The following MAP3K2 variants were observed in gnomAD, a reference collection of about 807,000 sequenced individuals.
MAP3K2 encodes mitogen-activated protein kinase kinase kinase 2.
A neutral mutation model predicts 80.3 loss-of-function variants in MAP3K2; 24 were observed. That is an observed-to-expected ratio of 0.30 (90% confidence interval 0.22 to 0.42). MAP3K2 has a LOEUF of 0.42. MAP3K2 is among the 10% of genes least tolerant of loss of function. MAP3K2 has a pLI of 1.00. For missense variants in MAP3K2, 608 were observed against 750.1 expected (o/e 0.81, Z 2.21); for synonymous variants, 244 against 253.7 (o/e 0.96, Z 0.36).
chr2:127,338,069 A>G (rs150652686), intron 3 of MAP3K2, among the ~76,000 whole-genome samples: 243 of 152,302 alleles, frequency 1.6e-3, no homozygotes, highest in African/African-American at 5.1e-3. Context: ...GAAATACAGA[A>G]TATTATATTT....
Position 127,358,554 on chromosome 2 carries a change from GCATATC to G in MAP3K2, c.-65-15366_-65-15361del, listed in dbSNP as rs374218164. Among the ~76,000 whole-genome samples the G allele has an allele frequency of 1.2e-3, 184 of 152,324 alleles. 2 individuals are homozygous for G. In the South Asian group the frequency reaches 0.018, roughly 15 times the overall value. ...TAAGAAAGTGAGCAGATAAAGTGTG[GCATATC>G]CATATGACGGAATATTAAGAACTAT... On this transcript the variant is annotated intron_variant, in intron 1 of 16. Transcript: ENST00000682094.
At chr2:127,352,573 C>G (rs560801208) in intron 1 of MAP3K2, among the ~76,000 whole-genome samples, 3 of 152,274 alleles carry the variant, frequency 2.0e-5, no homozygotes, top group Admixed American at 6.5e-5. Flanking sequence ...CTAGACAGAG[C>G]TAAGCTTCAA....
chr2:127,333,118 G>A (rs1180811212), intron 5 of MAP3K2, among the ~76,000 whole-genome samples: 2 of 147,190 alleles, frequency 1.4e-5, no homozygotes, highest in Non-Finnish European at 3.0e-5. Context: ...GGTGACAGCG[G>A]GAGATGCTGT....
chr2:127,320,225 T>C (rs1456054203), intron 12 of MAP3K2, among the ~76,000 whole-genome samples: 2 of 152,116 alleles, frequency 1.3e-5, no homozygotes, highest in Non-Finnish European at 2.9e-5. Context: ...ATGACTAACA[T>C]GTTAAAGGTT....
chr2:127,342,597 A>G (rs2104848968), intron 2 of MAP3K2, among the ~76,000 whole-genome samples: 1 of 152,254 alleles, frequency 6.6e-6, no homozygotes, highest in South Asian at 2.1e-4. Context: ...ATTTCCTTCT[A>G]GTGTCTTCCT....
chr2:127,368,678 T>C (rs1687012930), intron 1 of MAP3K2, among the ~76,000 whole-genome samples: 4 of 152,134 alleles, frequency 2.6e-5, no homozygotes, highest in South Asian at 2.1e-4. Flanking sequence ...ATATAAACTA[T>C]GCATATCCTC....
At chr2:127,351,745 G>GT in intron 1 of MAP3K2, among the ~76,000 whole-genome samples, 1 of 152,054 alleles carries the variant, frequency 6.6e-6, no homozygotes, top group East Asian at 1.9e-4. Flanking sequence ...CTTTTAAAAA[G>GT]TAAGTCAGAG....
chr2:127,347,573 G>A (rs76799173), intron 1 of MAP3K2, among the ~76,000 whole-genome samples: 2,196 of 152,104 alleles, frequency 0.014, 28 homozygotes, highest in Non-Finnish European at 0.022. Flanking sequence ...ACAAAACACT[G>A]TTGAAAGAAA....
At chr2:127,374,241 C>G (rs1687114269) in intron 1 of MAP3K2, among the ~76,000 whole-genome samples, 1 of 152,182 alleles carries the variant, frequency 6.6e-6, no homozygotes, top group African/African-American at 2.4e-5. Context: ...TTGAGACGGC[C>G]TTCATTAAGA....
At chr2:127,347,076 C>T (rs1218276246) in intron 1 of MAP3K2, among the ~76,000 whole-genome samples, 1 of 151,908 alleles carries the variant, frequency 6.6e-6, no homozygotes, top group Non-Finnish European at 1.5e-5. Context: ...AATTCAACAC[C>T]CTTTTATGCT....
chr2:127,307,884 C>T lies in MAP3K2; in HGVS notation c.1635-80G>A. ...AGTTAGCTAGAAAATGAGAAACAGG[C>T]ATTAAGTCCATATATATTTAAATAT... On this transcript the variant is annotated intron_variant, in intron 16 of 16. Coordinates refer to ENST00000682094, the MANE Select transcript of MAP3K2 (RefSeq NM_001371910.2). This position sits in a 1 kb window ranked among gnomAD's most constrained non-coding sequence, Gnocchi z 5.4. The T allele has an allele frequency of 1.2e-6, 1 of 860,496 alleles. No homozygotes were observed. The highest frequency in any genetic ancestry group is 2.5e-5 in the Admixed American group (1 of 39,516). 53.3% of individuals were successfully genotyped at this position (860,496 alleles called of 1,614,324 possible). A position where few individuals can be genotyped will look rare whatever the true frequency, so the allele number is the denominator to read the frequency against.
chr2:127,348,353 A>G (rs570083169), intron 1 of MAP3K2, among the ~76,000 whole-genome samples: 2 of 152,250 alleles, frequency 1.3e-5, no homozygotes, highest in East Asian at 3.9e-4. Flanking sequence ...ACGCCACTAC[A>G]CTCCAGCCTG....
At chr2:127,323,149 C>A (rs1356699295) in intron 11 of MAP3K2, among the ~76,000 whole-genome samples, 1 of 150,272 alleles carries the variant, frequency 6.7e-6, no homozygotes, top group Non-Finnish European at 1.5e-5. Context: ...CGCCTGTAAT[C>A]CTAGCACTTT....
At chr2:127,386,626 A>C (rs1184487350) in intron 1 of MAP3K2, among the ~76,000 whole-genome samples, 2 of 152,218 alleles carry the variant, frequency 1.3e-5, no homozygotes, top group African/African-American at 4.8e-5. Flanking sequence ...TTTTCTGTCC[A>C]GTACTAGTAC....
At position 127,303,966 on chromosome 2, in the gene MAP3K2, A is replaced by G. The variant is rs572786788; in HGVS notation, c.*3613T>C. 1.3e-5 allele frequency: 2 copies of G among 152,308 alleles called. No individual in the cohort carries two copies. The highest frequency in any genetic ancestry group is 4.1e-4 in the South Asian group (2 of 4,832). 9.4% of individuals were successfully genotyped at this position (152,308 alleles called of 1,614,324 possible). On this transcript the variant is annotated 3_prime_UTR_variant, in exon 17 of 17. Coordinates refer to ENST00000682094, the MANE Select transcript of MAP3K2 (RefSeq NM_001371910.2). ...ACTACAGAGCAGATCTGACATATATATGAGCTGGAGTAGCAGAGACTTAGT... is the reference window on the plus strand; with the variant it reads ...ACTACAGAGCAGATCTGACATATATGTGAGCTGGAGTAGCAGAGACTTAGT...
At chr2:127,357,237 C>T (rs1229769872) in intron 1 of MAP3K2, among the ~76,000 whole-genome samples, 1 of 152,184 alleles carries the variant, frequency 6.6e-6, no homozygotes, top group African/African-American at 2.4e-5. Flanking sequence ...TCTTAAATAT[C>T]CTGGCAGCCA....
At chr2:127,366,384 G>GAA (rs61497433) in intron 1 of MAP3K2, among the ~76,000 whole-genome samples, 216 of 87,384 alleles carry the variant, frequency 2.5e-3, no homozygotes, top group African/African-American at 7.6e-3. Flanking sequence ...CCTATCTCTG[G>GAA]AAAAAAAAAA....
At chr2:127,328,750 C>T (rs895862577) in intron 7 of MAP3K2, among the ~76,000 whole-genome samples, 2 of 152,298 alleles carry the variant, frequency 1.3e-5, no homozygotes, top group African/African-American at 4.8e-5. Flanking sequence ...CAAAAGAGAA[C>T]ATGAATAATG....
At chr2:127,350,174 A>G (rs1300669566) in intron 1 of MAP3K2, among the ~76,000 whole-genome samples, 1 of 152,110 alleles carries the variant, frequency 6.6e-6, no homozygotes, top group African/African-American at 2.4e-5. Flanking sequence ...ACTGAACCAG[A>G]AAGAAAGCAC....
Sources: gnomAD v4.1 joint callset for allele counts (sites outside exome capture counted in the v4.1 genomes callset) on GRCh38, gnomAD v4.1.1 for gene constraint, Gnocchi (gnomAD v3.1) non-coding constraint, MANE v1.5 for transcripts, NCBI Gene and HGNC (gene_info 2026-07-23, HGNC 2026-07-21) for gene names.